Variants in UNC13C observed in about 807,000 individuals in gnomAD.
UNC13C encodes unc-13 homolog C.
In UNC13C, 174 loss-of-function variants were observed where a neutral mutation model predicts 245.4. That is an observed-to-expected ratio of 0.71 (90% CI 0.63 to 0.80). The LOEUF (loss-of-function observed/expected upper bound fraction) is 0.80. Ranked by LOEUF, UNC13C falls within the 30% of genes least tolerant of loss-of-function variation. UNC13C has a pLI of 0.00. For synonymous variants in UNC13C, 992 were observed against 895.1 expected, an observed-to-expected ratio of 1.11 and a Z score of -1.93; for missense variants, 2,829 against 2,602.9, an observed-to-expected ratio of 1.09 and a Z score of -1.89.
intron 2 of UNC13C, among the ~76,000 whole-genome samples, chr15:54,039,312 C>T (rs1595751588): frequency 6.6e-6 from 1 of 152,270 alleles, no homozygotes; most frequent in African/African-American, 2.4e-5. Context: ...TTTGAAACTT[C>T]ATTTAATTTT....
At chr15:54,092,714 A>T (rs55863224) in intron 2 of UNC13C, among the ~76,000 whole-genome samples, 5 of 152,076 alleles carry the variant, frequency 3.3e-5, no homozygotes, top group Middle Eastern at 3.2e-3. Flanking sequence ...ATGAACTCAT[A>T]GTATCAAAAC....
the UNC13C span, among the ~76,000 whole-genome samples, chr15:53,936,641 C>T: frequency 1.8e-4 from 27 of 152,270 alleles, no homozygotes; most frequent in East Asian, 1.6e-3. Flanking sequence ...GGTCTGTGCC[C>T]CTCTGGGACA....
At chr15:54,379,835 A>T (rs1480781800) in intron 17 of UNC13C, among the ~76,000 whole-genome samples, 2 of 152,110 alleles carry the variant, frequency 1.3e-5, no homozygotes, top group Non-Finnish European at 2.9e-5. Context: ...TATTTTTGGT[A>T]TGGGTTTTAA....
chr15:54,397,642 T>C (rs1486565075), intron 18 of UNC13C, among the ~76,000 whole-genome samples: 1 of 151,458 alleles, frequency 6.6e-6, no homozygotes, highest in East Asian at 1.9e-4. Flanking sequence ...AATATTGAAT[T>C]TTATAATCCA....
chr15:54,487,672 C>T lies in UNC13C; in HGVS notation c.4934-6936C>T, dbSNP rs146603585. Among the ~76,000 whole-genome samples the T allele has an allele frequency of 1.6e-3, 235 of 147,020 alleles. 1 individual carries two copies. The highest frequency in any genetic ancestry group is 5.7e-3 in the African/African-American group (227 of 39,592). Reference sequence around the variant, plus strand: ...ATCTCAATGACTTGGTAGGCTGAGGCAGGATAATTGCTTGACCTCAGGAGG... The same window carrying T: ...ATCTCAATGACTTGGTAGGCTGAGGTAGGATAATTGCTTGACCTCAGGAGG... On this transcript the variant is annotated intron_variant, in intron 19 of 32. Coordinates refer to ENST00000260323, the MANE Select transcript of UNC13C (RefSeq NM_001080534.3).
At chr15:53,927,458 T>C in the UNC13C span, among the ~76,000 whole-genome samples, 4 of 152,298 alleles carry the variant, frequency 2.6e-5, no homozygotes, top group South Asian at 8.3e-4. Context: ...ATAGAATTGA[T>C]AGCAACTGGC....
intron 4 of UNC13C, among the ~76,000 whole-genome samples, chr15:54,171,331 A>G (rs970364166): frequency 1.3e-5 from 2 of 152,304 alleles, no homozygotes; most frequent in East Asian, 3.9e-4. Flanking sequence ...AGAATGGGAG[A>G]AAATATTTGC....
intron 2 of UNC13C, among the ~76,000 whole-genome samples, chr15:54,092,560 G>C (rs957215827): frequency 3.9e-5 from 6 of 152,084 alleles, no homozygotes; most frequent in African/African-American, 1.4e-4. Context: ...TTTAGTGTTG[G>C]AGCCAAGGTC....
chr15:54,342,795 T>G (rs1448865321), intron 17 of UNC13C, among the ~76,000 whole-genome samples: 1 of 152,172 alleles, frequency 6.6e-6, no homozygotes, highest in African/African-American at 2.4e-5. Flanking sequence ...TTTTTGTTTT[T>G]TTTGTTTTGC....
intron 13 of UNC13C, among the ~76,000 whole-genome samples, chr15:54,304,684 T>G (rs926940946): frequency 1.3e-5 from 2 of 150,532 alleles, no homozygotes; most frequent in Admixed American, 6.6e-5. Context: ...CCTTACCTGA[T>G]CTTGTCCCTG....
intron 2 of UNC13C, among the ~76,000 whole-genome samples, chr15:54,133,313 G>A (rs924218438): frequency 1.3e-5 from 2 of 152,116 alleles, no homozygotes; most frequent in African/African-American, 2.4e-5. Context: ...CTAATACACA[G>A]GAGACACACA....
At chr15:54,469,954 T>C (rs1431749978) in intron 19 of UNC13C, among the ~76,000 whole-genome samples, 1 of 151,554 alleles carries the variant, frequency 6.6e-6, no homozygotes, top group African/African-American at 2.4e-5. Flanking sequence ...TGTTGAGTGG[T>C]ATGTTTTATC....
chr15:54,294,127 G>C, intron 11 of UNC13C, 63 bp downstream of exon 11: 1 of 1,356,842 alleles, frequency 7.4e-7, no homozygotes, highest in Middle Eastern at 2.2e-4. Context: ...CCTGTGGCAT[G>C]TATTACATTC....
intron 1 of UNC13C, among the ~76,000 whole-genome samples, 35 bp from the exon 2 acceptor site, chr15:54,012,613 T>A (rs1895431374): frequency 6.6e-6 from 1 of 152,242 alleles, no homozygotes; most frequent in African/African-American, 2.4e-5. Context: ...TAGAATTGAA[T>A]TCTGATATTT....
At chr15:53,937,120 G>T in the UNC13C span, among the ~76,000 whole-genome samples, 1 of 152,154 alleles carries the variant, frequency 6.6e-6, no homozygotes, top group Non-Finnish European at 1.5e-5. Context: ...CCAATGCAAA[G>T]AAGCGAAAAA....
At position 54,393,117 on chromosome 15, in the gene UNC13C, C is replaced by G; in HGVS notation, c.4783C>G (p.Leu1595Val). The change falls in exon 18 of 33, where the codon CTT becomes GTT. Residue 1595 changes from leucine (L) to valine (V), a missense_variant. By Grantham distance (32) the Leu-to-Val change is conservative. Coordinates refer to ENST00000260323, the MANE Select transcript of UNC13C (RefSeq NM_001080534.3). ...TTKNLDFWPQ[L>V]ITLMVTIIDE... ...CAAGAATTTGGATTTTTGGCCCCAA[C>G]TTATTACACTGATGGTTACTATTAT... 5 of 1,610,982 alleles carry G rather than the reference C, an allele frequency of 3.1e-6. No individual in the cohort carries two copies. The highest frequency in any genetic ancestry group is 4.2e-6 in the Non-Finnish European group (5 of 1,178,452).
chr15:54,057,192 C>T (rs1273262641), intron 2 of UNC13C, among the ~76,000 whole-genome samples: 2 of 152,068 alleles, frequency 1.3e-5, no homozygotes, highest in Admixed American at 1.3e-4. Flanking sequence ...CAAGACCCAT[C>T]GATGTGCTGT....
intron 2 of UNC13C, chr15:54,050,367 C>A: frequency 3.6e-6 from 2 of 560,148 alleles, no homozygotes; most frequent in Non-Finnish European, 7.2e-6. Flanking sequence ...TCAGAAGGCA[C>A]TCCTCCTTTT....
chr15:54,289,507 CTG>C (rs1319501387), intron 10 of UNC13C, among the ~76,000 whole-genome samples: 4 of 152,064 alleles, frequency 2.6e-5, no homozygotes, highest in African/African-American at 9.7e-5. Flanking sequence ...TTTTTAGACT[CTG>C]TTACTTGCCA....
Sources: allele counts gnomAD v4.1 joint callset (sites outside exome capture counted in the v4.1 genomes callset), GRCh38; gene constraint gnomAD v4.1.1; transcripts MANE v1.5; gene names NCBI Gene and HGNC (gene_info 2026-07-23, HGNC 2026-07-21).